The following ELP2 variants were observed in gnomAD, a reference collection of about 807,000 sequenced individuals.
ELP2 encodes the protein elongator acetyltransferase complex subunit 2, also known as elongator complex protein 2.
ELP2 carries 90 observed loss-of-function variants against 119.2 expected under a neutral mutation model. The ratio of observed to expected loss-of-function variants is 0.75; its 90% confidence interval spans 0.64 to 0.90. ELP2 has a LOEUF of 0.90. Ranked by LOEUF, ELP2 falls within the 40% of genes least tolerant of loss-of-function variation. The pLI is 0.00. For synonymous variants in ELP2, 339 were observed against 331.0 expected, an observed-to-expected ratio of 1.02 and a Z score of -0.26; for missense variants, 921 against 967.8, an observed-to-expected ratio of 0.95 and a Z score of 0.64.
chr18:36,160,585 A>AG (rs1212328125), intron 16 of ELP2, among the ~76,000 whole-genome samples: 5 of 151,182 alleles, frequency 3.3e-5, no homozygotes, highest in Non-Finnish European at 7.4e-5. Flanking sequence ...CTTGAAAAAA[A>AG]AAAAAAAGAC....
At chr18:36,145,342 C>A in intron 9 of ELP2, 1 of 362,414 alleles carries the variant, frequency 2.8e-6, no homozygotes, top group Non-Finnish European at 5.2e-6. Flanking sequence ...ACTTTCAAGC[C>A]AACTTCACTG....
At chr18:36,151,145 T>G (rs554866664) in intron 11 of ELP2, among the ~76,000 whole-genome samples, 1 of 151,286 alleles carries the variant, frequency 6.6e-6, no homozygotes, top group East Asian at 2.0e-4. Context: ...GGTACAGTTG[T>G]GCAGTCATGG....
At chr18:36,167,430 TGAG>T (rs935689544) in intron 19 of ELP2, among the ~76,000 whole-genome samples, 1 of 152,098 alleles carries the variant, frequency 6.6e-6, no homozygotes, top group African/African-American at 2.4e-5. Context: ...GTCAAAAATA[TGAG>T]GAGAAGACCT....
chr18:36,149,478 G>GTTTTTTTTTTTTTTTTTTTTTT (rs1239631733), intron 11 of ELP2, among the ~76,000 whole-genome samples: 1 of 64,516 alleles, frequency 1.6e-5, no homozygotes, highest in Non-Finnish European at 3.1e-5. Context: ...AGGGTTTTTT[G>GTTTTTTTTTTTTTTTTTTTTTT]TTTTGTTTTG....
Position 36,159,832 on chromosome 18 carries a change from T to A in ELP2, c.1630+2T>A. On this transcript the variant is annotated splice_donor_variant, in intron 15 of 21. Coordinates refer to ENST00000358232, the MANE Select transcript of ELP2 (RefSeq NM_018255.4). LOFTEE classifies it high-confidence loss of function. ...CCTTTCAGCCCTCCATACTTACTGG[T>A]AAGATGTGACAAAGACAATTTAATA... 1 of 1,613,262 alleles carries A rather than the reference T, an allele frequency of 6.2e-7. No homozygotes were observed. The highest frequency in any genetic ancestry group is 8.5e-7 in the Non-Finnish European group (1 of 1,179,300).
intron 11 of ELP2, among the ~76,000 whole-genome samples, chr18:36,149,409 T>C (rs2090314556): frequency 6.6e-6 from 1 of 151,496 alleles, no homozygotes; most frequent in Non-Finnish European, 1.5e-5. Context: ...GGTACAACCG[T>C]ACAACCCATT....
At chr18:36,142,457 T>C in intron 7 of ELP2, 110 bp downstream of exon 7, 2 of 924,670 alleles carry the variant, frequency 2.2e-6, no homozygotes, top group Non-Finnish European at 3.5e-6. Flanking sequence ...ATGTTATGTT[T>C]TTCTATTGTC....
chr18:36,150,007 T>C (rs1284842686), intron 11 of ELP2, among the ~76,000 whole-genome samples: 1 of 152,238 alleles, frequency 6.6e-6, no homozygotes, highest in Non-Finnish European at 1.5e-5. Flanking sequence ...TCTGGTTTTT[T>C]TATGGCATGT....
intron 11 of ELP2, among the ~76,000 whole-genome samples, chr18:36,146,802 G>A (rs1253643285): frequency 6.6e-6 from 1 of 152,022 alleles, no homozygotes; most frequent in Non-Finnish European, 1.5e-5. Flanking sequence ...AGGAGTTTGA[G>A]AACAGCCTTG....
At position 36,156,652 on chromosome 18, in the gene ELP2, A is replaced by C. The variant is rs759287984; in HGVS notation, c.1462A>C (p.Asn488His). The C allele has an allele frequency of 6.2e-7, 1 of 1,613,560 alleles. No homozygotes were observed. ...TGQSLNHVLC[N>H]QDSDLPEGAT... ...ACAATCACTGAATCATGTGCTCTGT[A>C]ATGTGAGTATTTCTCTAAATATTTT... The change falls in exon 13 of 22, where the codon AAT becomes CAT. Residue 488 changes from asparagine (N) to histidine (H), a missense_variant and splice_region_variant. Physicochemically the swap from Asn to His is moderately conservative, Grantham distance 68. Transcript: ENST00000358232.
In ELP2 at chr18:36,142,326, G is replaced by C; in HGVS notation, c.634G>C (p.Gly212Arg). The change falls in exon 7 of 22, where the codon GGA (glycine) becomes CGA (arginine). Residue 212 changes from glycine to arginine, a missense_variant. Coordinates refer to ENST00000358232, the MANE Select transcript of ELP2 (RefSeq NM_018255.4). The part of the protein sequence containing the change: ...SLCGHEDWIR[G>R]VEWAAFGRDL... The stretch of plus-strand genomic sequence containing the variant: ...CTGTGGACATGAGGATTGGATTAGA[G>C]GAGTGGAATGGGCAGCCTTTGGTCA... 1 of 1,613,944 alleles carries C rather than the reference G, an allele frequency of 6.2e-7. No homozygotes were observed. The highest frequency in any genetic ancestry group is 8.5e-7 in the Non-Finnish European group (1 of 1,179,906).
chr18:36,142,871 G>T lies in ELP2; in HGVS notation c.701G>T (p.Arg234Ile). The T allele has an allele frequency of 6.2e-7, 1 of 1,606,746 alleles. No homozygotes were observed. Among genetic ancestry groups the T allele is most frequent in the South Asian group, 1.1e-5 (1 of 90,444 alleles). Residue 234 changes from arginine (R) to isoleucine (I), a missense_variant, in exon 8 of 22, where the codon AGA becomes ATA. Arg to Ile is a moderately conservative substitution (Grantham distance 97). Coordinates refer to ENST00000358232, the MANE Select transcript of ELP2 (RefSeq NM_018255.4). The part of the protein sequence containing the change: ...LASCSQDCLI[R>I]IWKLYIKSTS... Reference sequence around the variant, plus strand: ...AGCTGTTCACAAGATTGCCTGATAAGAATATGGAAGCTGTATATAAAGTCA... The same window carrying T: ...AGCTGTTCACAAGATTGCCTGATAATAATATGGAAGCTGTATATAAAGTCA...
intron 2 of ELP2, among the ~76,000 whole-genome samples, chr18:36,134,000 C>T (rs1271299205): frequency 6.8e-6 from 1 of 147,546 alleles, no homozygotes; most frequent in Non-Finnish European, 1.5e-5. Flanking sequence ...AGCTCCGCCT[C>T]CCGGGTTCAC....
intron 18 of ELP2, 102 bp downstream of exon 18, chr18:36,164,769 T>A: frequency 8.8e-7 from 1 of 1,131,612 alleles, no homozygotes; most frequent in Non-Finnish European, 1.3e-6. Context: ...GAGTGAAGGG[T>A]AGAGCCTCAT....
chr18:36,133,373 T>G (rs764971553), intron 2 of ELP2, 57 bp downstream of exon 2: 46 of 1,337,574 alleles, frequency 3.4e-5, no homozygotes, highest in Non-Finnish European at 4.8e-5. Flanking sequence ...AAAATAAGGT[T>G]AGCCATTTTT....
intron 11 of ELP2, among the ~76,000 whole-genome samples, chr18:36,147,992 G>C (rs765616678): frequency 2.0e-5 from 3 of 151,998 alleles, no homozygotes; most frequent in Non-Finnish European, 2.9e-5. Flanking sequence ...TTAGCTATTC[G>C]GAAGCTCCGA....
intron 11 of ELP2, 139 bp downstream of exon 11, chr18:36,146,520 ATTG>A (rs1408374735): frequency 1.1e-6 from 1 of 888,028 alleles, no homozygotes; most frequent in Non-Finnish European, 1.7e-6. Flanking sequence ...TTCTGTAGAC[ATTG>A]TTAAGGTATT....
chr18:36,159,339 C>G (rs142334043), intron 14 of ELP2, among the ~76,000 whole-genome samples: 142 of 152,260 alleles, frequency 9.3e-4, no homozygotes, highest in African/African-American at 3.3e-3. Context: ...TCTGGAACTC[C>G]TGACCTCAGG....
intron 16 of ELP2, among the ~76,000 whole-genome samples, chr18:36,160,477 C>A (rs2090702231): frequency 6.6e-6 from 1 of 151,184 alleles, no homozygotes; most frequent in Admixed American, 6.6e-5. Flanking sequence ...ACTTGAGAGA[C>A]TGAGGCTGGA....
Sources: allele counts gnomAD v4.1 joint callset (sites outside exome capture counted in the v4.1 genomes callset), GRCh38; gene constraint gnomAD v4.1.1; transcripts MANE v1.5; gene names NCBI Gene and HGNC (gene_info 2026-07-23, HGNC 2026-07-21).